The following EPHX2 variants were observed in gnomAD, a reference collection of about 807,000 sequenced individuals.
EPHX2 encodes bifunctional epoxide hydrolase 2.
A neutral mutation model predicts 78.7 loss-of-function variants in EPHX2; 74 were observed. That is an observed-to-expected ratio of 0.94 (90% CI 0.78 to 1.14). EPHX2 has a LOEUF of 1.14. Ranked by LOEUF, EPHX2 falls within the 50% of genes most tolerant of loss-of-function variation. The probability of loss-of-function intolerance (pLI) is 0.00; values close to 1 mark genes in which losing one functional copy is unlikely to be tolerated. For synonymous variants in EPHX2, 251 were observed against 255.2 expected, an observed-to-expected ratio of 0.98 and a Z score of 0.16; for missense variants, 715 against 702.5, an observed-to-expected ratio of 1.02 and a Z score of -0.20.
intron 11 of EPHX2, among the ~76,000 whole-genome samples, chr8:27,523,857 G>A (rs1169535497): frequency 6.6e-6 from 1 of 151,844 alleles, no homozygotes; most frequent in Non-Finnish European, 1.5e-5. Context: ...ACTGCACAAC[G>A]TACTGGTTAA....
At chr8:27,539,534 C>T (rs1815325747) in intron 14 of EPHX2, among the ~76,000 whole-genome samples, 1 of 152,194 alleles carries the variant, frequency 6.6e-6, no homozygotes, top group African/African-American at 2.4e-5. Context: ...ATCTTCCTTC[C>T]CTCCCCCACA....
At chr8:27,538,347 T>C (rs1815278665) in intron 13 of EPHX2, among the ~76,000 whole-genome samples, 1 of 152,204 alleles carries the variant, frequency 6.6e-6, no homozygotes, top group Non-Finnish European at 1.5e-5. Context: ...AGGTCTCTTT[T>C]CTTGTTCCCA....
intron 1 of EPHX2, among the ~76,000 whole-genome samples, chr8:27,493,500 A>G (rs1813462140): frequency 6.6e-6 from 1 of 152,188 alleles, no homozygotes; most frequent in Non-Finnish European, 1.5e-5. Flanking sequence ...TTGAGAGTGT[A>G]TGGTAGTAGG....
chr8:27,540,564 T>C lies in EPHX2; in HGVS notation c.1287T>C (p.Phe429=). 1.2e-6 allele frequency: 2 copies of C among 1,614,132 alleles called. No homozygotes were observed. Among genetic ancestry groups the C allele is most frequent in the South Asian group, 1.1e-5 (1 of 91,082 alleles). The change falls in exon 15 of 19, where the codon TTT becomes TTC. Residue 429 remains phenylalanine, a synonymous_variant. Transcript: ENST00000521400. ...TGGCTTTTTTTGCAGGAGGACTTTTTGTAAATAGCCCAGAAGAGCCCAGCC... is the reference window on the plus strand; with the variant it reads ...TGGCTTTTTTTGCAGGAGGACTTTTCGTAAATAGCCCAGAAGAGCCCAGCC... The part of the protein sequence containing the change: ...MHKVCEAGGL[F]VNSPEEPSLS...
At chr8:27,540,460 T>G in intron 14 of EPHX2, 94 bp from the exon 15 acceptor site, 1 of 1,073,972 alleles carries the variant, frequency 9.3e-7, no homozygotes. Flanking sequence ...CTTGCGCAAG[T>G]TCAGATGGTC....
At chr8:27,543,675 G>A in intron 16 of EPHX2, 74 bp from the exon 17 acceptor site, 3 of 1,487,332 alleles carry the variant, frequency 2.0e-6, no homozygotes, top group Non-Finnish European at 1.9e-6. Context: ...GTGGCGAGCA[G>A]GGGTCTTTCA....
intron 6 of EPHX2, among the ~76,000 whole-genome samples, chr8:27,513,657 T>C (rs1814337539): frequency 6.6e-6 from 1 of 151,934 alleles, no homozygotes; most frequent in Admixed American, 6.6e-5. Context: ...TTTATGGACA[T>C]TTTTCTTAAC....
At chr8:27,513,016 G>A (rs971851596) in intron 6 of EPHX2, among the ~76,000 whole-genome samples, 2 of 152,144 alleles carry the variant, frequency 1.3e-5, no homozygotes, top group African/African-American at 4.8e-5. Flanking sequence ...TGTCCTGGAG[G>A]AGAACCTTCA....
At chr8:27,495,707 C>A (rs1813546955) in intron 1 of EPHX2, among the ~76,000 whole-genome samples, 1 of 152,192 alleles carries the variant, frequency 6.6e-6, no homozygotes, top group African/African-American at 2.4e-5. Flanking sequence ...GCTGCAACTA[C>A]CCATAAACAG....
chr8:27,496,645 G>A (rs187728587), intron 1 of EPHX2, among the ~76,000 whole-genome samples: 66 of 152,302 alleles, frequency 4.3e-4, no homozygotes, highest in African/African-American at 1.4e-3. Context: ...TGGAATTGGG[G>A]TGTTGCAGGG....
At chr8:27,512,050 A>C in intron 6 of EPHX2, 140 bp downstream of exon 6, 1 of 745,108 alleles carries the variant, frequency 1.3e-6, no homozygotes, top group South Asian at 1.5e-5. Context: ...GTGAGCTGTG[A>C]TCACACCACT....
chr8:27,532,382 C>G (rs773407022), intron 12 of EPHX2, among the ~76,000 whole-genome samples: 1 of 152,326 alleles, frequency 6.6e-6, no homozygotes, highest in South Asian at 2.1e-4. Flanking sequence ...TCTTTAAATC[C>G]TACAGACCAA....
intron 5 of EPHX2, among the ~76,000 whole-genome samples, chr8:27,509,060 C>T (rs1814133907): frequency 6.6e-6 from 1 of 151,060 alleles, no homozygotes; most frequent in African/African-American, 2.4e-5. Context: ...TGGCAACCCC[C>T]ATCCTGCTTT....
intron 15 of EPHX2, 40 bp downstream of exon 15, chr8:27,540,696 T>G: frequency 1.2e-5 from 19 of 1,542,646 alleles, no homozygotes; most frequent in Non-Finnish European, 1.7e-5. Flanking sequence ...TGAGAGATGA[T>G]CGACAGATAG....
At chr8:27,529,601 A>G (rs904418493) in intron 12 of EPHX2, among the ~76,000 whole-genome samples, 3 of 152,146 alleles carry the variant, frequency 2.0e-5, no homozygotes, top group African/African-American at 7.2e-5. Context: ...GGAAACATAT[A>G]GCAAGCTAGA....
intron 5 of EPHX2, among the ~76,000 whole-genome samples, chr8:27,509,517 T>G (rs1022978306): frequency 6.6e-6 from 1 of 152,178 alleles, no homozygotes; most frequent in Non-Finnish European, 1.5e-5. Flanking sequence ...CAATATTGGC[T>G]CACTGCAACC....
At chr8:27,510,560 T>A (rs149844131) in intron 5 of EPHX2, among the ~76,000 whole-genome samples, 1 of 152,302 alleles carries the variant, frequency 6.6e-6, no homozygotes, top group East Asian at 1.9e-4. Flanking sequence ...TACCTCAGGA[T>A]GTGACTGGGT....
At chr8:27,522,262 G>A (rs992358044) in intron 10 of EPHX2, among the ~76,000 whole-genome samples, 161 bp from the exon 11 acceptor site, 5 of 152,192 alleles carry the variant, frequency 3.3e-5, no homozygotes, top group African/African-American at 7.2e-5. Context: ...AGGGTCTGTG[G>A]CTGGTGGAGG....
chr8:27,491,573 C>T (rs760213844), intron 1 of EPHX2, among the ~76,000 whole-genome samples: 4 of 152,224 alleles, frequency 2.6e-5, no homozygotes, highest in Non-Finnish European at 4.4e-5. Context: ...ACTCATGGAG[C>T]TTTGTGCTTC....
Sources: gnomAD v4.1 joint callset for allele counts (sites outside exome capture counted in the v4.1 genomes callset) on GRCh38, gnomAD v4.1.1 for gene constraint, MANE v1.5 for transcripts, NCBI Gene and HGNC (gene_info 2026-07-23, HGNC 2026-07-21) for gene names.